The following HAUS5 variants were observed in gnomAD, a reference collection of about 807,000 sequenced individuals.
The protein encoded by HAUS5 is HAUS augmin-like complex subunit 5.
HAUS5 carries 67 observed loss-of-function variants against 94.1 expected under a neutral mutation model. The observed-to-expected ratio is 0.71, with a 90% confidence interval of 0.58 to 0.87. HAUS5 has a LOEUF of 0.87. Ranked by LOEUF, HAUS5 falls within the 40% of genes least tolerant of loss-of-function variation. HAUS5 has a pLI of 0.00. For synonymous variants in HAUS5, 339 were observed against 355.4 expected (o/e 0.95, Z 0.52); for missense variants, 739 against 825.6 (o/e 0.90, Z 1.29).
rs777846203 is a variant in HAUS5, at chr19:35,619,756, A to G, written c.1404A>G (p.Gly468=). Residue 468 remains glycine (G), a splice_region_variant and synonymous_variant, in exon 15 of 19, where the codon GGA becomes GGG. Coordinates refer to ENST00000203166, the MANE Select transcript of HAUS5 (RefSeq NM_015302.2). Reference sequence around the variant, plus strand: ...GCACGCTGCTGCGGCACAGGCCGGGAGAGTGAGACTGGGGCTGCCCCACCC... The same window carrying G: ...GCACGCTGCTGCGGCACAGGCCGGGGGAGTGAGACTGGGGCTGCCCCACCC... ...LLGTLLRHRP[G]ELKPLPTVLP... 3 of 1,548,418 alleles carry G rather than the reference A, an allele frequency of 1.9e-6. No homozygotes were observed. The highest frequency in any genetic ancestry group is 2.6e-6 in the Non-Finnish European group (3 of 1,146,326).
intron 4 of HAUS5, among the ~76,000 whole-genome samples, chr19:35,614,609 C>G (rs1313430234): frequency 6.6e-6 from 1 of 151,914 alleles, no homozygotes; most frequent in Non-Finnish European, 1.5e-5. Context: ...AAATAAAGAG[C>G]ATTAATTAGC....
chr19:35,621,181 G>A lies in HAUS5; in HGVS notation c.1651+854G>A, dbSNP rs576835396. Among the ~76,000 whole-genome samples, 4 of 152,296 alleles carry A rather than the reference G, an allele frequency of 2.6e-5. No individual in the cohort carries two copies. The South Asian group carries it at 8.3e-4, about 32-fold the overall frequency. ...CAGTGCCAGCAGCACTGGAGGAAGA[G>A]ACTGTTCAAGCCTCTGAGTTTGGGG... On this transcript the variant is annotated intron_variant, in intron 17 of 18. Transcript: ENST00000203166.
At chr19:35,614,182 C>A in intron 4 of HAUS5, 123 bp downstream of exon 4, 1 of 865,712 alleles carries the variant, frequency 1.2e-6, no homozygotes, top group Non-Finnish European at 1.9e-6. Context: ...GCCTTGATCT[C>A]CATCCTCATA....
At position 35,622,990 on chromosome 19, in the gene HAUS5, C is replaced by A; in HGVS notation, c.1899C>A (p.Ser633Arg). Residue 633 changes from serine to arginine, a missense_variant, in exon 19 of 19, where the codon AGC becomes AGA. Coordinates refer to ENST00000203166, the MANE Select transcript of HAUS5 (RefSeq NM_015302.2). ...AGGGGGCCCTGCAGAAGCTGTGCAG[C>A]TGAAGAGAGGGTTCAAACGGAAGCC... Reference protein sequence around the residue: ...QAQGALQKLCS With the variant: ...QAQGALQKLCR 6.3e-7 allele frequency: 1 copy of A among 1,597,006 alleles called. No homozygotes were observed. The highest frequency in any genetic ancestry group is 8.6e-7 in the Non-Finnish European group (1 of 1,166,406).
At position 35,622,954 on chromosome 19, in the gene HAUS5, G is replaced by T. The variant is rs1255210653; in HGVS notation, c.1863G>T (p.Trp621Cys). 11 of 1,613,424 alleles carry T rather than the reference G, an allele frequency of 6.8e-6. No homozygotes were observed. The African/African-American group carries it at 1.2e-4, about 18-fold the overall frequency. ...GLSLPQWRLRWVQAQGALQKL... is the reference protein window; with the variant it reads ...GLSLPQWRLRCVQAQGALQKL... ...CCCTGCCCCAGTGGCGGCTGCGCTG[G>T]GTTCAGGCCCAGGGGGCCCTGCAGA... The change falls in exon 19 of 19, where the codon TGG becomes TGT. Residue 621 changes from tryptophan (W) to cysteine (C), a missense_variant. By Grantham distance (215) the Trp-to-Cys change is radical (BLOSUM62 -2). Transcript: ENST00000203166.
intron 6 of HAUS5, 48 bp from the exon 7 acceptor site, chr19:35,617,076 C>CATCT: frequency 6.7e-7 from 1 of 1,488,486 alleles, no homozygotes; most frequent in Non-Finnish European, 9.4e-7. Context: ...GGGGCACAGA[C>CATCT]ATCTGTTCTC....
chr19:35,619,154 C>A, intron 13 of HAUS5, 105 bp downstream of exon 13: 1 of 1,240,596 alleles, frequency 8.1e-7, no homozygotes, highest in East Asian at 2.5e-5. Flanking sequence ...GCCTGTGGTT[C>A]CAGCACTTTG....
chr19:35,617,976 C>T, intron 9 of HAUS5, 64 bp downstream of exon 9: 9 of 1,606,248 alleles, frequency 5.6e-6, no homozygotes, highest in Non-Finnish European at 7.7e-6. Context: ...CTTAGGGTGC[C>T]AGGACCTAAC....
Position 35,623,125 on chromosome 19 carries a change from A to T in HAUS5, c.*132A>T. The T allele has an allele frequency of 1.5e-6, 1 of 662,768 alleles. No homozygotes were observed. The allele number at this position is 662,768 out of a possible 1,614,324, so 41.1% of individuals were successfully genotyped here. On this transcript the variant is annotated 3_prime_UTR_variant, in exon 19 of 19. Transcript: ENST00000203166. ...CCCCACCCGCACCTGCAGTCCCCTC[A>T]TGTGCTGTTCTGCTGCCCCACTCAG... is the stretch of plus-strand genomic sequence containing the variant.
At chr19:35,616,834 C>T (rs923822347) in intron 6 of HAUS5, among the ~76,000 whole-genome samples, 9 of 152,130 alleles carry the variant, frequency 5.9e-5, no homozygotes, top group South Asian at 2.1e-4. Flanking sequence ...ATTCTGAATG[C>T]GCTGGGGAAA....
chr19:35,619,740 T>C lies in HAUS5; in HGVS notation c.1388T>C (p.Leu463Pro). The change falls in exon 15 of 19, where the codon CTG (leucine) becomes CCG (proline). Residue 463 changes from leucine to proline, a missense_variant. By Grantham distance (98) the Leu-to-Pro change is moderately conservative. Coordinates refer to ENST00000203166, the MANE Select transcript of HAUS5 (RefSeq NM_015302.2). ...HLPHILLGTL[L>P]RHRPGELKPL... ...CCCCACATTCTGTTGGGCACGCTGC[T>C]GCGGCACAGGCCGGGAGAGTGAGAC... 3.2e-6 allele frequency: 5 copies of C among 1,559,590 alleles called. No individual in the cohort carries two copies. The highest frequency in any genetic ancestry group is 4.3e-6 in the Non-Finnish European group (5 of 1,152,260).
intron 10 of HAUS5, 95 bp downstream of exon 10, chr19:35,618,290 G>T: frequency 1.2e-6 from 2 of 1,601,676 alleles, no homozygotes; most frequent in Non-Finnish European, 1.7e-6. Context: ...CTGCTGATGG[G>T]GTAGAACTGA....
intron 18 of HAUS5, 39 bp downstream of exon 18, chr19:35,622,772 T>C (rs779034566): frequency 6.2e-7 from 1 of 1,613,286 alleles, no homozygotes; most frequent in Admixed American, 1.7e-5. Context: ...AACAGAAAAG[T>C]CAGGACTCAA....
chr19:35,613,606 G>T, intron 1 of HAUS5, 124 bp from the exon 2 acceptor site: 7 of 706,920 alleles, frequency 9.9e-6, no homozygotes, highest in Non-Finnish European at 1.4e-5. Flanking sequence ...AAAAAAGTTT[G>T]GGCCTTCCCT....
chr19:35,615,247 C>G lies in HAUS5; in HGVS notation c.346C>G (p.Arg116Gly), dbSNP rs376884603. ...CACAGACACGGCCATGGAGCAGGCA[C>G]GTCAGCACACTCAAGACACCCAGCG... ...EAQDTAMEQA[R>G]QHTQDTQRRA... Residue 116 changes from arginine (R) to glycine (G), a missense_variant, in exon 6 of 19, where the codon CGT becomes GGT. Coordinates refer to ENST00000203166, the MANE Select transcript of HAUS5 (RefSeq NM_015302.2). The G allele has an allele frequency of 1.2e-6, 2 of 1,614,078 alleles. No homozygotes were observed. The highest frequency in any genetic ancestry group is 2.2e-5 in the South Asian group (2 of 91,072).
At chr19:35,615,729 G>A (rs2071936858) in intron 6 of HAUS5, among the ~76,000 whole-genome samples, 1 of 152,210 alleles carries the variant, frequency 6.6e-6, no homozygotes, top group Admixed American at 6.5e-5. Context: ...GTGAAGAAAA[G>A]CCTATCATAG....
chr19:35,612,806 G>T lies in HAUS5; in HGVS notation c.12G>T (p.Ala4=). 1 of 1,547,174 alleles carries T rather than the reference G, an allele frequency of 6.5e-7. No individual in the cohort carries two copies. The highest frequency in any genetic ancestry group is 8.7e-7 in the Non-Finnish European group (1 of 1,145,632). Residue 4 remains alanine (A), a synonymous_variant, in exon 1 of 19, where the codon GCG becomes GCT. Transcript: ENST00000203166. ...GCCGCGGCGCTGTCATGGAGCTAGCGCAGGAAGCGCGGGAACTGGGTTGCT... is the reference window on the plus strand; with the variant it reads ...GCCGCGGCGCTGTCATGGAGCTAGCTCAGGAAGCGCGGGAACTGGGTTGCT... MEL[A]QEARELGCWA... is the part of the protein sequence containing the mutation.
Position 35,618,975 on chromosome 19 carries a change from G to C in HAUS5, c.1105G>C (p.Ala369Pro), listed in dbSNP as rs1414083808. The change falls in exon 13 of 19, where the codon GCT becomes CCT. Residue 369 changes from alanine to proline, a missense_variant. By Grantham distance (27) the Ala-to-Pro change is conservative (BLOSUM62 -1). Transcript: ENST00000203166. ...HDQSQELQDA[A>P]GHRQLLLREL... is the part of the protein sequence containing the mutation. ...TCAGAGCCAGGAGCTGCAGGATGCA[G>C]CTGGGCATCGGCAGCTCCTGCTGAG... 6.2e-7 allele frequency: 1 copy of C among 1,613,280 alleles called. No individual in the cohort carries two copies. The highest frequency in any genetic ancestry group is 8.5e-7 in the Non-Finnish European group (1 of 1,179,810).
At position 35,618,676 on chromosome 19, in the gene HAUS5, A is replaced by C. The variant is rs375491492; in HGVS notation, c.993A>C (p.Arg331Ser). The C allele has an allele frequency of 3.7e-6, 6 of 1,602,080 alleles. No homozygotes were observed. The highest frequency in any genetic ancestry group is 3.4e-5 in the Admixed American group (2 of 59,274). The change falls in exon 12 of 19, where the codon AGA becomes AGC. Residue 331 changes from arginine to serine, a missense_variant. Physicochemically the swap from Arg to Ser is moderately radical, Grantham distance 110. Transcript: ENST00000203166. The stretch of plus-strand genomic sequence containing the variant: ...AGGGCCTGGTGGAGGAGGTGGAGAG[A>C]CGCGTCCTGGGATCCAGTGAGAGGT... The part of the protein sequence containing the change: ...RLQGLVEEVE[R>S]RVLGSSERQV...
Sources: allele counts gnomAD v4.1 joint callset (sites outside exome capture counted in the v4.1 genomes callset), GRCh38; gene constraint gnomAD v4.1.1; transcripts MANE v1.5; gene names NCBI Gene and HGNC (gene_info 2026-07-23, HGNC 2026-07-21).